Variants in RRP12 observed in about 807,000 individuals in gnomAD.
RRP12 encodes the protein RRP12-like protein.
RRP12 carries 78 observed loss-of-function variants against 157.3 expected under a neutral mutation model. The observed-to-expected ratio is 0.50, with a 90% CI of 0.41 to 0.60. The LOEUF (loss-of-function observed/expected upper bound fraction) is 0.60, where lower values mean the gene tolerates loss of function less well. Among genes scored for constraint, RRP12 ranks in the 20% least tolerant of loss-of-function variants. RRP12 has a pLI of 0.00. For synonymous variants in RRP12, 726 were observed against 670.9 expected (o/e 1.08, Z -1.27); for missense variants, 1,521 against 1,679.9 (o/e 0.91, Z 1.65).
chr10:97,401,009 C>G, intron 1 of RRP12, 84 bp downstream of exon 1: 1 of 1,518,628 alleles, frequency 6.6e-7, no homozygotes, highest in South Asian at 1.2e-5. Flanking sequence ...TGGCCCCGCA[C>G]TCTCCCAGAG....
chr10:97,371,349 C>A, intron 20 of RRP12: 1 of 508,468 alleles, frequency 2.0e-6, no homozygotes, highest in Middle Eastern at 5.2e-4. Context: ...CTCATGGTGC[C>A]TGGCACGCGC....
chr10:97,365,617 G>A (rs1479210626), intron 29 of RRP12, among the ~76,000 whole-genome samples: 2 of 152,022 alleles, frequency 1.3e-5, no homozygotes, highest in Non-Finnish European at 2.9e-5. Context: ...TGTGGAGAGG[G>A]GCCAGGAAAG....
At chr10:97,361,404 C>T (rs1371812569) in intron 30 of RRP12, among the ~76,000 whole-genome samples, 1 of 152,164 alleles carries the variant, frequency 6.6e-6, no homozygotes, top group Non-Finnish European at 1.5e-5. Flanking sequence ...CAGAGGTGGC[C>T]CCAGCTGGCA....
intron 26 of RRP12, 50 bp downstream of exon 26, chr10:97,366,991 A>G: frequency 6.2e-7 from 1 of 1,611,032 alleles, no homozygotes; most frequent in Non-Finnish European, 8.5e-7. Context: ...AGGACTGGAA[A>G]TCCTCGGCCC....
Position 97,390,827 on chromosome 10 carries a change from A to G in RRP12, c.548T>C (p.Leu183Pro), listed in dbSNP as rs564561098. The change falls in exon 5 of 34, where the codon CTT becomes CCT. Residue 183 changes from leucine (L) to proline (P), a missense_variant. Transcript: ENST00000370992. Reference sequence around the variant, plus strand: ...GGAGGTATCAGAGAACTTCTTAATAAGCACAGGGCTGGGAACACTGTGGGA... The same window carrying G: ...GGAGGTATCAGAGAACTTCTTAATAGGCACAGGGCTGGGAACACTGTGGGA... Reference protein sequence around the residue: ...LVLKRVPSPVLIKKFSDTSKA... With the variant: ...LVLKRVPSPVPIKKFSDTSKA... The G allele has an allele frequency of 5.6e-6, 9 of 1,612,262 alleles. No homozygotes were observed. Among genetic ancestry groups the G allele is most frequent in the Non-Finnish European group, 7.6e-6 (9 of 1,178,278 alleles).
At position 97,388,343 on chromosome 10, in the gene RRP12, G is replaced by A. The variant is rs559396525; in HGVS notation, c.926C>T (p.Thr309Met). The change falls in exon 8 of 34, where the codon ACG (threonine) becomes ATG (methionine). Residue 309 changes from threonine (T) to methionine (M), a missense_variant. By Grantham distance (81) the Thr-to-Met change is moderately conservative (BLOSUM62 -1). Coordinates refer to ENST00000370992, the MANE Select transcript of RRP12 (RefSeq NM_015179.4). Reference sequence around the variant, plus strand: ...GCAGGGCAGCAGGTCCTTCAGCAGCGTCAGCATGTGCAGCGTGGTGGTGGC... The same window carrying A: ...GCAGGGCAGCAGGTCCTTCAGCAGCATCAGCATGTGCAGCGTGGTGGTGGC... ...KEATTTLHML[T>M]LLKDLLPCFP... is the part of the protein sequence containing the mutation. 2.4e-5 allele frequency: 38 copies of A among 1,613,910 alleles called. No homozygotes were observed. Among genetic ancestry groups the A allele is most frequent in the Middle Eastern group, 3.3e-4 (2 of 6,062 alleles).
At position 97,369,543 on chromosome 10, in the gene RRP12, T is replaced by A; in HGVS notation, c.2837A>T (p.Asn946Ile). Residue 946 changes from asparagine to isoleucine, a missense_variant, in exon 25 of 34, where the codon AAT becomes ATT. Asn to Ile is a moderately radical substitution (Grantham distance 149). Transcript: ENST00000370992. ...GCGGGAGGCCAGAAGCAGGCACACA[T>A]TCTCCAGCAGCTGCTCCACTGTACT... ...GTSTVEQLLENVCLLLASRTR... is the reference protein window; with the variant it reads ...GTSTVEQLLEIVCLLLASRTR... 6.3e-7 allele frequency: 1 copy of A among 1,582,762 alleles called. No individual in the cohort carries two copies. Among genetic ancestry groups the A allele is most frequent in the Non-Finnish European group, 8.6e-7 (1 of 1,164,336 alleles).
intron 15 of RRP12, among the ~76,000 whole-genome samples, chr10:97,376,881 CTT>C (rs200661913): frequency 2.1e-4 from 29 of 138,888 alleles, no homozygotes; most frequent in East Asian, 4.2e-4. Flanking sequence ...TCTTTCTTTT[CTT>C]TTTTTTTTTT....
At chr10:97,385,281 A>T (rs1308417569) in intron 9 of RRP12, 24 bp from the exon 10 acceptor site, 2 of 1,576,590 alleles carry the variant, frequency 1.3e-6, no homozygotes, top group South Asian at 2.2e-5. Context: ...TAAGCAGGTG[A>T]CTGAGCATGC....
At chr10:97,373,267 C>T in intron 17 of RRP12, 67 bp from the exon 18 acceptor site, 3 of 1,540,514 alleles carry the variant, frequency 1.9e-6, no homozygotes, top group Non-Finnish European at 1.8e-6. Context: ...GCTGCTGGGG[C>T]TGTGGCCCAG....
intron 8 of RRP12, 89 bp downstream of exon 8, chr10:97,388,163 C>A: frequency 1.3e-6 from 2 of 1,558,968 alleles, no homozygotes; most frequent in Non-Finnish European, 1.8e-6. Flanking sequence ...GGAGGGAGAC[C>A]CCAGGCCCTG....
chr10:97,366,076 G>A lies in RRP12; in HGVS notation c.3517+32C>T, dbSNP rs150996866. On this transcript the variant is annotated intron_variant, in intron 29 of 33. Coordinates refer to ENST00000370992, the MANE Select transcript of RRP12 (RefSeq NM_015179.4). ...GATCACCGAAGGAATAAGTGAACAC[G>A]GTGAATGAATGGACAAGCGCGTTGG... 1.4e-3 allele frequency: 2,169 copies of A among 1,600,124 alleles called. 23 individuals are homozygous for A. In the East Asian group the frequency reaches 0.015, roughly 11 times the overall value.
intron 30 of RRP12, among the ~76,000 whole-genome samples, chr10:97,361,905 G>A (rs532398120): frequency 3.9e-4 from 59 of 152,162 alleles, no homozygotes; most frequent in African/African-American, 1.3e-3. Context: ...TCAGGAGTTC[G>A]AGACCAGCCT....
intron 2 of RRP12, among the ~76,000 whole-genome samples, chr10:97,398,140 C>T (rs1431929190): frequency 2.2e-5 from 2 of 89,620 alleles, no homozygotes; most frequent in South Asian, 3.7e-4. Flanking sequence ...CTGCAAGCTC[C>T]GCTTCCCGGG....
chr10:97,396,122 C>T, intron 3 of RRP12, 96 bp downstream of exon 3: 1 of 880,184 alleles, frequency 1.1e-6, no homozygotes, highest in Non-Finnish European at 1.9e-6. Context: ...CAAGGTTGTC[C>T]TTCTCTACCC....
rs777305594 is a variant in RRP12, at chr10:97,371,035, T to A, written c.2390A>T (p.Glu797Val). Residue 797 changes from glutamate to valine, a missense_variant, in exon 21 of 34, where the codon GAG becomes GTG. Physicochemically the swap from Glu to Val is moderately radical, Grantham distance 121. Coordinates refer to ENST00000370992, the MANE Select transcript of RRP12 (RefSeq NM_015179.4). ...VQKKAYRVLE[E>V]VCASPQGPGA... ...GGGGCCCTGAGGACTGGCACACACC[T>A]CCTCCAGCACTCGGTAGGCCTTCTT... 6.2e-7 allele frequency: 1 copy of A among 1,613,640 alleles called. No homozygotes were observed. Among genetic ancestry groups the A allele is most frequent in the Non-Finnish European group, 8.5e-7 (1 of 1,179,770 alleles).
chr10:97,371,131 A>G (rs562327516), intron 20 of RRP12, 50 bp from the exon 21 acceptor site: 17 of 1,587,114 alleles, frequency 1.1e-5, no homozygotes, highest in South Asian at 7.9e-5. Context: ...TCCCTGTCCA[A>G]TGCTATCCAC....
At chr10:97,362,322 C>T (rs1843866326) in intron 30 of RRP12, among the ~76,000 whole-genome samples, 1 of 152,092 alleles carries the variant, frequency 6.6e-6, no homozygotes, top group Non-Finnish European at 1.5e-5. Flanking sequence ...GAGTAGGCTG[C>T]CGAGGATCTG....
At position 97,388,475 on chromosome 10, in the gene RRP12, T is replaced by C. The variant is rs780107003; in HGVS notation, c.889+14A>G. ...CTGCCTCCCATCCACCTGCCCTCCA[T>C]TTGGGTTCCCCACCTCCAGACTTCT... On this transcript the variant is annotated intron_variant, in intron 7 of 33. Coordinates refer to ENST00000370992, the MANE Select transcript of RRP12 (RefSeq NM_015179.4). 8 of 1,613,900 alleles carry C rather than the reference T, an allele frequency of 5.0e-6. No individual in the cohort carries two copies. The highest frequency in any genetic ancestry group is 1.1e-5 in the South Asian group (1 of 91,074).
Sources: allele counts gnomAD v4.1 joint callset (sites outside exome capture counted in the v4.1 genomes callset), GRCh38; gene constraint gnomAD v4.1.1; transcripts MANE v1.5; gene names NCBI Gene and HGNC (gene_info 2026-07-23, HGNC 2026-07-21).